CCDC40: variants seen among roughly 807,000 people sequenced by gnomAD.
The protein encoded by CCDC40 is coiled-coil domain 40 molecular ruler complex subunit.
A neutral mutation model predicts 124.5 loss-of-function variants in CCDC40; 104 were observed. The observed-to-expected ratio is 0.84, with a 90% confidence interval of 0.71 to 0.98. The LOEUF is 0.98. Ranked by LOEUF, CCDC40 falls within the 50% of genes least tolerant of loss-of-function variation. CCDC40 has a pLI of 0.00. For synonymous variants in CCDC40, 580 were observed against 602.9 expected, an observed-to-expected ratio of 0.96 and a Z score of 0.56; for missense variants, 1,463 against 1,503.9, an observed-to-expected ratio of 0.97 and a Z score of 0.45.
intron 7 of CCDC40, among the ~76,000 whole-genome samples, chr17:80,056,355 C>A (rs1364461671): frequency 6.6e-6 from 1 of 152,132 alleles, no homozygotes; most frequent in Non-Finnish European, 1.5e-5. Context: ...TGCGGAGGCT[C>A]ACGCCTGTAG....
intron 17 of CCDC40, among the ~76,000 whole-genome samples, chr17:80,094,046 G>A (rs575120923): frequency 6.6e-6 from 1 of 152,164 alleles, no homozygotes; most frequent in East Asian, 1.9e-4. Context: ...TTATCTTCGG[G>A]ATTCTTGCCT....
chr17:80,065,644 C>T, intron 10 of CCDC40, 38 bp downstream of exon 10: 5 of 1,609,712 alleles, frequency 3.1e-6, no homozygotes, highest in Non-Finnish European at 2.5e-6. Context: ...TGTGCGGGAA[C>T]CCCAGGGGTC....
Position 80,047,405 on chromosome 17 carries a change from G to A in CCDC40, c.676+3G>A. The A allele has an allele frequency of 5.0e-6, 8 of 1,611,410 alleles. No individual in the cohort carries two copies. Among genetic ancestry groups the A allele is most frequent in the Non-Finnish European group, 6.8e-6 (8 of 1,179,128 alleles). On this transcript the variant is annotated splice_donor_region_variant and intron_variant, in intron 4 of 19. Coordinates refer to ENST00000397545, the MANE Select transcript of CCDC40 (RefSeq NM_017950.4). ...GGAGTTCGTCTCGCAGGAGCCAGGT[G>A]CCACCCACCTGCTGAGGTCACCCTG...
At position 80,066,102 on chromosome 17, in the gene CCDC40, C is replaced by G. The variant is rs751094876; in HGVS notation, c.1562+496C>G. On this transcript the variant is annotated intron_variant, in intron 10 of 19. Transcript: ENST00000397545. The surrounding 1 kb of genome is among the most constrained non-coding windows in gnomAD (Gnocchi z 4.4). ...GGGCAGGGCGTTGGAGACACAGGTG[C>G]TGCCTTCATTCCTAAAACCACCCAG... 4 of 702,978 alleles carry G rather than the reference C, an allele frequency of 5.7e-6. No individual in the cohort carries two copies. Among genetic ancestry groups the G allele is most frequent in the Non-Finnish European group, 1.0e-5 (4 of 384,978 alleles). 43.5% of individuals were successfully genotyped at this position (702,978 alleles called of 1,614,324 possible).
chr17:80,048,923 G>A (rs545695965), intron 5 of CCDC40, among the ~76,000 whole-genome samples, 162 bp downstream of exon 5: 23 of 152,214 alleles, frequency 1.5e-4, no homozygotes, highest in Admixed American at 2.6e-4. Flanking sequence ...CTGCCTCTTC[G>A]TAGGGTACTC....
chr17:80,096,714 A>G (rs1463901910), intron 18 of CCDC40, among the ~76,000 whole-genome samples: 1 of 152,020 alleles, frequency 6.6e-6, no homozygotes. Flanking sequence ...GTCCCCAGCC[A>G]GCCCTGAGAG....
rs778103393 is a variant in CCDC40, at chr17:80,047,307, A to G, written c.581A>G (p.Gln194Arg). Residue 194 changes from glutamine (Q) to arginine (R), a missense_variant, in exon 4 of 20, where the codon CAG becomes CGG. Transcript: ENST00000397545. ...LTGSTEEPQG[Q>R]VLPMGVQHRF... ...GGATCCACAGAGGAGCCCCAGGGGC[A>G]GGTGCTCCCAATGGGCGTCCAGCAC... is the stretch of plus-strand genomic sequence containing the variant. 6.2e-7 allele frequency: 1 copy of G among 1,613,560 alleles called. No individual in the cohort carries two copies. Among genetic ancestry groups the G allele is most frequent in the Non-Finnish European group, 8.5e-7 (1 of 1,179,500 alleles).
chr17:80,067,522 TC>T, intron 10 of CCDC40: 1 of 1,430,896 alleles, frequency 7.0e-7, no homozygotes, highest in Non-Finnish European at 9.5e-7. Flanking sequence ...CTAGAGCGCT[TC>T]CCAAGTCAAA....
chr17:80,096,948 C>T (rs1281163880), intron 18 of CCDC40, among the ~76,000 whole-genome samples: 6 of 152,248 alleles, frequency 3.9e-5, no homozygotes, highest in Non-Finnish European at 8.8e-5. Flanking sequence ...CCTTGGCACA[C>T]GGCTGCTGAA....
chr17:80,057,201 C>T lies in CCDC40; in HGVS notation c.1160-1293C>T, dbSNP rs544319889. Among the ~76,000 whole-genome samples, 42 of 152,052 alleles carry T rather than the reference C, an allele frequency of 2.8e-4. No homozygotes were observed. In the South Asian group the frequency reaches 7.9e-3, roughly 29 times the overall value. On this transcript the variant is annotated intron_variant, in intron 7 of 19. Transcript: ENST00000397545. ...GTAGTGCAGTGGCATGATCCTCCCACCTCAGCCTCCTGAGTAGTTGGGATT... is the reference window on the plus strand; with the variant it reads ...GTAGTGCAGTGGCATGATCCTCCCATCTCAGCCTCCTGAGTAGTTGGGATT...
Position 80,066,372 on chromosome 17 carries a change from G to T in CCDC40, c.1562+766G>T. 1 of 562,962 alleles carries T rather than the reference G, an allele frequency of 1.8e-6. No individual in the cohort carries two copies. 34.9% of individuals were successfully genotyped at this position (562,962 alleles called of 1,614,324 possible). A position where few individuals can be genotyped will look rare whatever the true frequency, so the allele number is the denominator to read the frequency against. On this transcript the variant is annotated intron_variant, in intron 10 of 19. Transcript: ENST00000397545. This position sits in a 1 kb window ranked among gnomAD's most constrained non-coding sequence, Gnocchi z 4.4. ...ACAACCAGGAGATGCTTTTCCTTTT[G>T]GGTGCTGTGATTAAAGAAACAAAAT...
At chr17:80,051,329 C>T in intron 7 of CCDC40, 1 of 979,526 alleles carries the variant, frequency 1.0e-6, no homozygotes, top group South Asian at 4.7e-5. Context: ...TAAGTGGGCA[C>T]TTATCAAGCA....
chr17:80,048,599 G>T lies in CCDC40; in HGVS notation c.693G>T (p.Val231=). 6.2e-7 allele frequency: 1 copy of T among 1,613,738 alleles called. No homozygotes were observed. The highest frequency in any genetic ancestry group is 1.1e-5 in the South Asian group (1 of 91,068). The part of the protein sequence containing the change: ...VSQEPVIPPG[V]PDAHPREGDL... ...TCCCCCCAGTGATCCCCCCAGGGGT[G>T]CCCGATGCCCACCCCAGGGAAGGAG... The change falls in exon 5 of 20, where the codon GTG becomes GTT. Residue 231 remains valine, a synonymous_variant. Coordinates refer to ENST00000397545, the MANE Select transcript of CCDC40 (RefSeq NM_017950.4).
Position 80,038,152 on chromosome 17 carries a change from AG to A in CCDC40, c.62del (p.Gly21GlufsTer146). 2 of 1,610,890 alleles carry A rather than the reference AG, an allele frequency of 1.2e-6. No homozygotes were observed. Among genetic ancestry groups the A allele is most frequent in the Non-Finnish European group, 8.5e-7 (1 of 1,177,392 alleles). ...CATCCGGAAGATGGATCGGCTTCTGAGGGAGAGAAGGAAGGGAATAATGAAA... is the reference window on the plus strand; with the variant it reads ...CATCCGGAAGATGGATCGGCTTCTGAGGAGAGAAGGAAGGGAATAATGAAA... ...RSHPEDGSAS[E>X]GEKEGNNESH... On this transcript the variant is annotated frameshift_variant, in exon 2 of 20. Coordinates refer to ENST00000397545, the MANE Select transcript of CCDC40 (RefSeq NM_017950.4). LOFTEE classifies it high-confidence loss of function.
intron 10 of CCDC40, among the ~76,000 whole-genome samples, chr17:80,072,053 G>A (rs148134390): frequency 0.015 from 2,229 of 152,058 alleles, 56 homozygotes; most frequent in African/African-American, 0.051. Flanking sequence ...TGGCCAGGCT[G>A]GTCTTGAACT....
rs1233448621 is a variant in CCDC40 at position 80,099,682 on chromosome 17, C to T, written c.3336C>T (p.Asp1112=). The change falls in exon 20 of 20, where the codon GAC becomes GAT. Residue 1112 remains aspartate, a synonymous_variant. Coordinates refer to ENST00000397545, the MANE Select transcript of CCDC40 (RefSeq NM_017950.4). The part of the protein sequence containing the change: ...KRLALIATIL[D]RVRDEYPQFQ... ...TGGCTCTCATCGCCACCATCCTGGA[C>T]CGCGTGCGGGACGAGTACCCCCAGT... The T allele has an allele frequency of 6.2e-7, 1 of 1,613,910 alleles. No homozygotes were observed.
In CCDC40 at chr17:80,099,897, T is replaced by G; in HGVS notation, c.*122T>G. On this transcript the variant is annotated 3_prime_UTR_variant, in exon 20 of 20. Coordinates refer to ENST00000397545, the MANE Select transcript of CCDC40 (RefSeq NM_017950.4). ...ACATGTACCCTCAGAAGGGCATCGT[T>G]TAAGAGAAATAAGCCAGCCCCACCC... 3 of 1,110,358 alleles carry G rather than the reference T, an allele frequency of 2.7e-6. No homozygotes were observed. Among genetic ancestry groups the G allele is most frequent in the Non-Finnish European group, 2.6e-6 (2 of 768,606 alleles). 68.8% of individuals were successfully genotyped at this position (1,110,358 alleles called of 1,614,324 possible).
In CCDC40 at chr17:80,050,136, C is replaced by T. The variant is rs763257793; in HGVS notation, c.1012C>T (p.Leu338=). Residue 338 remains leucine, a synonymous_variant, in exon 7 of 20, where the codon CTG becomes TTG. Coordinates refer to ENST00000397545, the MANE Select transcript of CCDC40 (RefSeq NM_017950.4). ...GAATCTCTATGAGGTGCAGCAGCAC[C>T]TGGTACACCTGCAGAAGCTGCTGGA... ...GVNLYEVQQH[L]VHLQKLLEKS... is the part of the protein sequence containing the mutation. The T allele has an allele frequency of 6.2e-7, 1 of 1,613,812 alleles. No homozygotes were observed. The highest frequency in any genetic ancestry group is 2.2e-5 in the East Asian group (1 of 44,864).
intron 17 of CCDC40, chr17:80,090,258 CGCGCGCGGGCACGTGCACGAACA>C: frequency 2.5e-6 from 2 of 809,710 alleles, no homozygotes; most frequent in Non-Finnish European, 1.8e-6. Flanking sequence ...CAACACGGGA[CGCGCGCGGGCACGTGCACGAACA>C]ACACGGGACG....
Sources: allele counts gnomAD v4.1 joint callset (sites outside exome capture counted in the v4.1 genomes callset), GRCh38; gene constraint gnomAD v4.1.1; non-coding constraint Gnocchi (gnomAD v3.1); transcripts MANE v1.5; gene names NCBI Gene and HGNC (gene_info 2026-07-23, HGNC 2026-07-21).